The following PHTF2 variants were observed in gnomAD, a reference collection of about 807,000 sequenced individuals.
PHTF2 encodes putative homeodomain transcription factor 2.
PHTF2 carries 60 observed loss-of-function variants against 101.2 expected under a neutral mutation model. The observed-to-expected ratio is 0.59, with a 90% CI of 0.48 to 0.73. PHTF2 has a LOEUF of 0.73. Among genes scored for constraint, PHTF2 ranks in the 30% least tolerant of loss-of-function variants. The pLI is 0.00. For synonymous variants in PHTF2, 311 were observed against 307.3 expected (o/e 1.01, Z -0.13); for missense variants, 747 against 908.7 (o/e 0.82, Z 2.29).
chr7:77,938,855 A>G (rs1490756236), intron 13 of PHTF2, among the ~76,000 whole-genome samples: 1 of 152,200 alleles, frequency 6.6e-6, no homozygotes, highest in Non-Finnish European at 1.5e-5. Context: ...CAATTTCTAA[A>G]TTTCTTTGGT....
intron 11 of PHTF2, chr7:77,923,885 C>G: frequency 2.1e-6 from 2 of 974,528 alleles, no homozygotes; most frequent in African/African-American, 3.5e-5. Flanking sequence ...TCTTGAAGCG[C>G]AGAACATTAT....
intron 1 of PHTF2, among the ~76,000 whole-genome samples, chr7:77,817,648 C>A (rs1277171355): frequency 6.6e-6 from 1 of 152,138 alleles, no homozygotes; most frequent in Non-Finnish European, 1.5e-5. Context: ...GTGGAAACTA[C>A]AATTTAAGAT....
intron 3 of PHTF2, among the ~76,000 whole-genome samples, chr7:77,881,530 T>C (rs1167435085): frequency 6.6e-6 from 1 of 151,948 alleles, no homozygotes; most frequent in Non-Finnish European, 1.5e-5. Flanking sequence ...GTTTTTTTTT[T>C]TTACTTCTTT....
At chr7:77,901,990 T>A in intron 7 of PHTF2, 70 bp downstream of exon 6, 1 of 870,936 alleles carries the variant, frequency 1.1e-6, no homozygotes, top group Non-Finnish European at 1.7e-6. Flanking sequence ...GTCTTTGTTT[T>A]AAACATATGC....
At chr7:77,844,730 G>C (rs1796143306) in intron 2 of PHTF2, among the ~76,000 whole-genome samples, 1 of 151,916 alleles carries the variant, frequency 6.6e-6, no homozygotes, top group African/African-American at 2.4e-5. Context: ...TTGCTGTGTT[G>C]GCCAGGCTGG....
chr7:77,934,483 A>G (rs1390359022), intron 12 of PHTF2, among the ~76,000 whole-genome samples: 1 of 152,244 alleles, frequency 6.6e-6, no homozygotes, highest in Non-Finnish European at 1.5e-5. Flanking sequence ...GAAATAAAAC[A>G]TGCCACCATT....
chr7:77,857,536 A>G (rs1435991453), intron 3 of PHTF2, among the ~76,000 whole-genome samples: 1 of 152,244 alleles, frequency 6.6e-6, no homozygotes, highest in Non-Finnish European at 1.5e-5. Context: ...TAAAGAAGTA[A>G]CAGTATATAT....
intron 3 of PHTF2, among the ~76,000 whole-genome samples, chr7:77,881,403 C>A (rs905343108): frequency 1.3e-5 from 2 of 152,250 alleles, no homozygotes; most frequent in East Asian, 3.9e-4. Context: ...ATCAAATTGA[C>A]CACATAACAT....
At chr7:77,806,164 CAAA>C (rs149083447) in intron 1 of PHTF2, among the ~76,000 whole-genome samples, 1 of 125,792 alleles carries the variant, frequency 7.9e-6, no homozygotes. Context: ...GACTCCATCT[CAAA>C]AAAAAAAAAA....
chr7:77,939,589 C>CAAAAAAAAAAAA (rs914007792), intron 13 of PHTF2, among the ~76,000 whole-genome samples: 2 of 75,048 alleles, frequency 2.7e-5, no homozygotes, highest in African/African-American at 4.0e-5. Context: ...GACCCTGTCT[C>CAAAAAAAAAAAA]AAAAAAAAAA....
At chr7:77,931,391 A>T (rs552797435) in intron 12 of PHTF2, among the ~76,000 whole-genome samples, 1 of 152,366 alleles carries the variant, frequency 6.6e-6, no homozygotes, top group East Asian at 1.9e-4. Context: ...ACTCCTACAG[A>T]TGAATAAGTA....
chr7:77,951,824 G>T, intron 18 of PHTF2, 112 bp downstream of exon 17: 4 of 577,190 alleles, frequency 6.9e-6, no homozygotes, highest in Non-Finnish European at 9.2e-6. Context: ...TATCCAAGTT[G>T]TTTCCAAATT....
At chr7:77,823,973 A>G (rs912790267) in intron 1 of PHTF2, among the ~76,000 whole-genome samples, 5 of 152,242 alleles carry the variant, frequency 3.3e-5, no homozygotes, top group African/African-American at 1.2e-4. Context: ...TAAAGCAACA[A>G]TAATAGATTG....
exon 13 of PHTF2, chr7:77,937,767 G>A: frequency 1.3e-6 from 2 of 1,518,214 alleles, no homozygotes; most frequent in East Asian, 4.7e-5. Context: ...AAGTGCTATA[G>A]TATGGGAAGG....
In PHTF2 at chr7:77,833,301, T is replaced by C. The variant is rs569688409; in HGVS notation, c.-35-6920T>C. On this transcript the variant is annotated intron_variant, in intron 1 of 19. Transcript: ENST00000416283. ...TATGGGATGGTTGAAACAAGACATA[T>C]GAGAAGATGATGAGCAATAATGTTG... Among the ~76,000 whole-genome samples the C allele has an allele frequency of 7.9e-5, 12 of 152,302 alleles. No homozygotes were observed. The East Asian group carries it at 2.3e-3, about 29-fold the overall frequency.
chr7:77,924,086 C>T, intron 11 of PHTF2: 1 of 963,590 alleles, frequency 1.0e-6, no homozygotes, highest in Non-Finnish European at 1.2e-6. Context: ...AAGCTGCATT[C>T]AGTTCTCAAA....
chr7:77,863,010 C>G (rs940226405), intron 3 of PHTF2, among the ~76,000 whole-genome samples: 1 of 152,112 alleles, frequency 6.6e-6, no homozygotes, highest in Non-Finnish European at 1.5e-5. Context: ...CAAATAAAAG[C>G]TGTAGATTCA....
intron 3 of PHTF2, among the ~76,000 whole-genome samples, chr7:77,860,200 G>C (rs1797519492): frequency 1.3e-5 from 2 of 152,290 alleles, no homozygotes. Context: ...ACATTTAGAT[G>C]TGTATAAAAT....
chr7:77,818,356 T>C (rs1039352790), intron 1 of PHTF2, among the ~76,000 whole-genome samples: 1 of 152,224 alleles, frequency 6.6e-6, no homozygotes, highest in African/African-American at 2.4e-5. Flanking sequence ...CTGAAGCATT[T>C]CTGCTGTTTT....
Sources: allele counts gnomAD v4.1 joint callset (sites outside exome capture counted in the v4.1 genomes callset), GRCh38; gene constraint gnomAD v4.1.1; transcripts MANE v1.5; gene names NCBI Gene and HGNC (gene_info 2026-07-23, HGNC 2026-07-21).